MESP1: variants seen among roughly 807,000 people sequenced by gnomAD.
The protein encoded by MESP1 is mesoderm posterior protein 1.
MESP1 carries 22 observed loss-of-function variants against 15.2 expected under a neutral mutation model. That is an observed-to-expected ratio of 1.45 (90% CI 1.04 to 2.07). The LOEUF is 2.07. Among genes scored for constraint, MESP1 ranks in the 30% most tolerant of loss-of-function variants. The probability of loss-of-function intolerance (pLI) is 0.00; values close to 1 mark genes in which losing one functional copy is unlikely to be tolerated. For missense variants in MESP1, 484 were observed against 411.9 expected, an observed-to-expected ratio of 1.17 and a Z score of -1.51; for synonymous variants, 216 against 192.6, an observed-to-expected ratio of 1.12 and a Z score of -1.01.
chr15:89,742,514 AT>A, the MESP1 span, among the ~76,000 whole-genome samples: 23 of 150,492 alleles, frequency 1.5e-4, no homozygotes, highest in Non-Finnish European at 2.1e-4. Flanking sequence ...TGCACTTATT[AT>A]TTTTTTTTAA....
At position 89,750,882 on chromosome 15, in the gene MESP1, C is replaced by T; in HGVS notation, c.350G>A (p.Gly117Asp). The T allele has an allele frequency of 6.6e-7, 1 of 1,505,614 alleles. No individual in the cohort carries two copies. The highest frequency in any genetic ancestry group is 8.8e-7 in the Non-Finnish European group (1 of 1,133,272). 93.3% of individuals were successfully genotyped at this position (1,505,614 alleles called of 1,614,324 possible). Reference sequence around the variant, plus strand: ...CGTCTCGATCTTGGTCAGGCTCTGGCCCGCGGGCGCCACGGACGGCGGTAG... The same window carrying T: ...CGTCTCGATCTTGGTCAGGCTCTGGTCCGCGGGCGCCACGGACGGCGGTAG... ...RFLPPSVAPA[G>D]QSLTKIETLR... The change falls in exon 1 of 2, where the codon GGC (glycine) becomes GAC (aspartate). Residue 117 changes from glycine (G) to aspartate (D), a missense_variant. Gly to Asp is a moderately conservative substitution (Grantham distance 94, BLOSUM62 -1). Transcript: ENST00000300057.
chr15:89,745,535 G>A (rs574137754), downstream of MESP1, among the ~76,000 whole-genome samples: 5 of 152,244 alleles, frequency 3.3e-5, no homozygotes, highest in East Asian at 1.9e-4. This position sits in a 1 kb window ranked among gnomAD's most constrained non-coding sequence, Gnocchi z 4.8. Flanking sequence ...AGGCTGAGGC[G>A]GGCGGATCAT....
the MESP1 span, among the ~76,000 whole-genome samples, chr15:89,736,344 G>A: frequency 2.6e-5 from 4 of 152,132 alleles, no homozygotes; most frequent in East Asian, 1.9e-4. Flanking sequence ...GGAGGGTGAG[G>A]GGCCTACAGG....
chr15:89,749,255 C>T (rs1968033563), downstream of MESP1: 1 of 152,160 alleles, frequency 6.6e-6, no homozygotes, highest in Admixed American at 6.5e-5. Flanking sequence ...TCAGGACCGC[C>T]ACACCATTAT....
the MESP1 span, among the ~76,000 whole-genome samples, chr15:89,735,728 C>A: frequency 6.6e-6 from 1 of 152,240 alleles, no homozygotes; most frequent in Non-Finnish European, 1.5e-5. Flanking sequence ...GAGCACACAG[C>A]TCATTTGGGA....
the MESP1 span, chr15:89,737,547 C>T: frequency 2.3e-3 from 3,726 of 1,613,924 alleles, 80 homozygotes; most frequent in African/African-American, 0.044. Flanking sequence ...AGTAGAAGCC[C>T]CCCTCACCAT....
chr15:89,743,926 G>A, the MESP1 span, among the ~76,000 whole-genome samples: 1 of 152,258 alleles, frequency 6.6e-6, no homozygotes, highest in East Asian at 1.9e-4. Context: ...AGGCAGAGTG[G>A]GAGGGAGAGG....
At chr15:89,732,940 C>T in the MESP1 span, 1 of 1,445,324 alleles carries the variant, frequency 6.9e-7, no homozygotes, top group Non-Finnish European at 9.7e-7. Flanking sequence ...CTGGTCACAG[C>T]CCCTGTGCCC....
the MESP1 span, chr15:89,743,615 A>C: frequency 1.8e-6 from 1 of 566,982 alleles, no homozygotes; most frequent in Non-Finnish European, 3.2e-6. Flanking sequence ...TGTCACCCAA[A>C]TAAACAGTGA....
chr15:89,741,438 G>C, the MESP1 span, among the ~76,000 whole-genome samples: 2 of 152,074 alleles, frequency 1.3e-5, no homozygotes, highest in Admixed American at 1.3e-4. Flanking sequence ...ATGTTGCCCA[G>C]GCTGGTCTTG....
chr15:89,750,413 G>A, intron 1 of MESP1, 96 bp downstream of exon 1: 1 of 1,455,974 alleles, frequency 6.9e-7, no homozygotes, highest in Non-Finnish European at 9.0e-7. Flanking sequence ...CAGGCTGCCG[G>A]CGGGGAGCAG....
chr15:89,744,810 C>T, the MESP1 span, among the ~76,000 whole-genome samples: 1 of 152,194 alleles, frequency 6.6e-6, no homozygotes, highest in African/African-American at 2.4e-5. Flanking sequence ...AGTCTCCCTC[C>T]GCCTCTCAGT....
At chr15:89,746,634 GAC>G (rs1225729821), downstream of MESP1, among the ~76,000 whole-genome samples, 47 of 65,452 alleles carry the variant, frequency 7.2e-4, no homozygotes, top group African/African-American at 2.9e-3. Context: ...CACACACAGA[GAC>G]ACACACACAG....
Position 89,751,063 on chromosome 15 carries a change from G to A in MESP1, c.169C>T (p.Arg57Trp), listed in dbSNP as rs561452555. ...PADSPVASPA[R>W]PGTLRDPRAP... is the part of the protein sequence containing the mutation. ...CGGGGGTCCCGGAGGGTGCCTGGCC[G>A]CGCGGGGCTCGCCACGGGGCTGTCG... The change falls in exon 1 of 2, where the codon CGG becomes TGG. Residue 57 changes from arginine (R) to tryptophan (W), a missense_variant. By Grantham distance (101) the Arg-to-Trp change is moderately radical (BLOSUM62 -3). Coordinates refer to ENST00000300057, the MANE Select transcript of MESP1 (RefSeq NM_018670.4). The A allele has an allele frequency of 1.3e-4, 178 of 1,324,064 alleles. No individual in the cohort carries two copies. The highest frequency in any genetic ancestry group is 1.6e-4 in the Non-Finnish European group (170 of 1,042,722). The allele number at this position is 1,324,064 out of a possible 1,614,324, so 82.0% of individuals were successfully genotyped here.
At chr15:89,736,576 C>G in the MESP1 span, among the ~76,000 whole-genome samples, 2 of 152,044 alleles carry the variant, frequency 1.3e-5, no homozygotes, top group Non-Finnish European at 2.9e-5. Flanking sequence ...CCAGGGAAAA[C>G]TGCATGGGGA....
the MESP1 span, chr15:89,737,511 C>T: frequency 1.3e-3 from 2,031 of 1,602,298 alleles, 14 homozygotes; most frequent in African/African-American, 0.024. Context: ...GACCTCTACA[C>T]GACCTTCCTG....
chr15:89,742,502 C>T, the MESP1 span, among the ~76,000 whole-genome samples: 9 of 152,184 alleles, frequency 5.9e-5, no homozygotes, highest in South Asian at 6.2e-4. Context: ...CTGTAGTGAA[C>T]ATGCACTTAT....
At chr15:89,749,151 C>G (rs1223991713), downstream of MESP1, 1 of 152,232 alleles carries the variant, frequency 6.6e-6, no homozygotes, top group Admixed American at 6.5e-5. Flanking sequence ...CCAATGCAGA[C>G]AGGCACGCAA....
chr15:89,736,488 T>C, the MESP1 span, among the ~76,000 whole-genome samples: 1 of 151,796 alleles, frequency 6.6e-6, no homozygotes, highest in African/African-American at 2.4e-5. Context: ...AGGGAGTGAA[T>C]AGAGAAGAGG....
Sources: gnomAD v4.1 joint callset for allele counts (sites outside exome capture counted in the v4.1 genomes callset) on GRCh38, gnomAD v4.1.1 for gene constraint, Gnocchi (gnomAD v3.1) non-coding constraint, MANE v1.5 for transcripts, NCBI Gene and HGNC (gene_info 2026-07-23, HGNC 2026-07-21) for gene names.